The following NUTF2 variants were observed in gnomAD, a reference collection of about 807,000 sequenced individuals.
NUTF2 encodes the protein placental protein 15.
In NUTF2, 3 loss-of-function variants were observed where a neutral mutation model predicts 18.5. The ratio of observed to expected loss-of-function variants is 0.16; its 90% CI spans 0.07 to 0.42. The LOEUF (loss-of-function observed/expected upper bound fraction) is 0.42. NUTF2 is among the 10% of genes least tolerant of loss of function. The pLI, the probability that NUTF2 is intolerant of heterozygous loss-of-function variation, is 0.99. For synonymous variants in NUTF2, 51 were observed against 57.9 expected, an observed-to-expected ratio of 0.88 and a Z score of 0.54; for missense variants, 44 against 160.7, an observed-to-expected ratio of 0.27 and a Z score of 3.93.
intron 1 of NUTF2, among the ~76,000 whole-genome samples, chr16:67,856,753 A>G (rs749033838): frequency 2.0e-5 from 3 of 151,638 alleles, no homozygotes; most frequent in Non-Finnish European, 4.4e-5. Context: ...TAGGTGATCT[A>G]CTTGCCTTGG....
At chr16:67,852,047 C>A (rs887915973) in intron 1 of NUTF2, among the ~76,000 whole-genome samples, 1 of 151,844 alleles carries the variant, frequency 6.6e-6, no homozygotes, top group Non-Finnish European at 1.5e-5. Context: ...TAGAAGCCAC[C>A]TTATATCAAA....
At chr16:67,851,394 T>A (rs1324619711) in intron 1 of NUTF2, among the ~76,000 whole-genome samples, 2 of 151,664 alleles carry the variant, frequency 1.3e-5, no homozygotes, top group Admixed American at 1.3e-4. Context: ...GGCAGGAGAA[T>A]CGCTTGAACC....
At chr16:67,847,369 G>A (rs2057812260) in intron 1 of NUTF2, 1 of 152,446 alleles carries the variant, frequency 6.6e-6, no homozygotes, top group Admixed American at 6.5e-5. Flanking sequence ...CTGGCTAGCG[G>A]GCAGACCCCA....
At chr16:67,863,281 C>T (rs1009255597) in intron 1 of NUTF2, among the ~76,000 whole-genome samples, 17 of 152,338 alleles carry the variant, frequency 1.1e-4, no homozygotes, top group African/African-American at 4.1e-4. Flanking sequence ...TCCAAGCTTT[C>T]TCCCCTGCTT....
intron 1 of NUTF2, 83 bp downstream of exon 1, chr16:67,847,068 T>G: frequency 1.4e-5 from 2 of 138,264 alleles, no homozygotes; most frequent in African/African-American, 2.8e-5. Context: ...CCGCTGAGAG[T>G]CCCCGGGCGG....
At chr16:67,847,297 G>C (rs970337962) in intron 1 of NUTF2, 3 of 152,380 alleles carry the variant, frequency 2.0e-5, no homozygotes, top group African/African-American at 7.2e-5. Context: ...TCCGGATGGG[G>C]CCTTAGGGCC....
At chr16:67,865,621 C>T (rs2057965378) in intron 2 of NUTF2, among the ~76,000 whole-genome samples, 1 of 152,150 alleles carries the variant, frequency 6.6e-6, no homozygotes, top group African/African-American at 2.4e-5. Context: ...CCTTTTGGAT[C>T]CAAGGCTCCT....
chr16:67,857,112 C>T (rs897146136), intron 1 of NUTF2, among the ~76,000 whole-genome samples: 14 of 152,212 alleles, frequency 9.2e-5, no homozygotes, highest in African/African-American at 3.4e-4. Flanking sequence ...ACTTAGGGGT[C>T]TCAAGCCCCA....
intron 2 of NUTF2, among the ~76,000 whole-genome samples, chr16:67,866,306 G>GTT (rs921901942): frequency 3.7e-4 from 49 of 134,002 alleles, no homozygotes; most frequent in South Asian, 4.7e-4. Flanking sequence ...TCATAGTAGA[G>GTT]TTTTTTTTTT....
Position 67,866,306 on chromosome 16 carries a change from GT to G in NUTF2, c.99+1095del, listed in dbSNP as rs921901942. Reference sequence around the variant, plus strand: ...ATTTGATTGTCATTATCATAGTAGAGTTTTTTTTTTTTTTTTTTGAGACAGA... The same window carrying G: ...ATTTGATTGTCATTATCATAGTAGAGTTTTTTTTTTTTTTTTTGAGACAGA... On this transcript the variant is annotated intron_variant, in intron 2 of 4. Coordinates refer to ENST00000219169, the MANE Select transcript of NUTF2 (RefSeq NM_005796.3). Among the ~76,000 whole-genome samples the G allele has an allele frequency of 1.4e-3, 183 of 134,012 alleles. 1 individual carries two copies. The highest frequency in any genetic ancestry group is 3.9e-3 in the Middle Eastern group (1 of 256). 87.9% of individuals were successfully genotyped at this position (134,012 alleles called of 152,430 possible). A position where few individuals can be genotyped will look rare whatever the true frequency, so the allele number is the denominator to read the frequency against.
chr16:67,851,544 A>T (rs1567378684), intron 1 of NUTF2, among the ~76,000 whole-genome samples: 1 of 152,036 alleles, frequency 6.6e-6, no homozygotes. Flanking sequence ...TCTAGGGTAC[A>T]TGTGTACAAC....
rs1198759694 is a variant in NUTF2, at chr16:67,868,537, G to A, written c.208G>A (p.Ala70Thr). ...PFQKIQHSIT[A>T]QDHQPTPDSC... Reference sequence around the variant, plus strand: ...CCAGAAAATTCAGCACAGCATCACCGCGCAGGACCATCAGCCCACTCCAGA... The same window carrying A: ...CCAGAAAATTCAGCACAGCATCACCACGCAGGACCATCAGCCCACTCCAGA... Residue 70 changes from alanine (A) to threonine (T), a missense_variant, in exon 4 of 5, where the codon GCG (alanine) becomes ACG (threonine). By Grantham distance (58) the Ala-to-Thr change is moderately conservative (BLOSUM62 0). Coordinates refer to ENST00000219169, the MANE Select transcript of NUTF2 (RefSeq NM_005796.3). 3.7e-6 allele frequency: 6 copies of A among 1,614,008 alleles called. No homozygotes were observed. Among genetic ancestry groups the A allele is most frequent in the South Asian group, 3.3e-5 (3 of 91,076 alleles).
At chr16:67,866,946 C>G (rs569094045) in intron 2 of NUTF2, among the ~76,000 whole-genome samples, 3 of 151,386 alleles carry the variant, frequency 2.0e-5, no homozygotes, top group East Asian at 3.9e-4. Context: ...GACCTGAGAT[C>G]CTGGCACTTG....
At chr16:67,863,024 TTGAG>T (rs1255784384) in intron 1 of NUTF2, among the ~76,000 whole-genome samples, 2 of 151,678 alleles carry the variant, frequency 1.3e-5, no homozygotes, top group Non-Finnish European at 3.0e-5. Context: ...TCAGGGCACA[TTGAG>T]TGACTAAGCA....
intron 1 of NUTF2, among the ~76,000 whole-genome samples, chr16:67,857,751 G>C (rs1376035194): frequency 1.3e-5 from 2 of 152,256 alleles, no homozygotes; most frequent in East Asian, 3.8e-4. Context: ...AGCCACAGCT[G>C]TCTCTCACTA....
chr16:67,870,981 C>G lies in NUTF2; in HGVS notation c.*68C>G, dbSNP rs1191879764. ...TCTTCCCAATACTATTCCCACTCCT[C>G]CAGATGCTCCAAATATCATGCACAA... is the stretch of plus-strand genomic sequence containing the variant. On this transcript the variant is annotated 3_prime_UTR_variant, in exon 5 of 5. Transcript: ENST00000219169. The G allele has an allele frequency of 1.7e-6, 2 of 1,157,108 alleles. No individual in the cohort carries two copies. Among genetic ancestry groups the G allele is most frequent in the Non-Finnish European group, 2.6e-6 (2 of 769,946 alleles). The allele number at this position is 1,157,108 out of a possible 1,614,324, so 71.7% of individuals were successfully genotyped here. A position where few individuals can be genotyped will look rare whatever the true frequency, so the allele number is the denominator to read the frequency against.
intron 1 of NUTF2, among the ~76,000 whole-genome samples, chr16:67,849,316 A>G (rs754593500): frequency 2.0e-5 from 3 of 152,124 alleles, no homozygotes; most frequent in Admixed American, 2.0e-4. Flanking sequence ...TGCGTATTTC[A>G]TGGCCCTGGG....
At chr16:67,863,860 C>G (rs1177070236) in intron 1 of NUTF2, among the ~76,000 whole-genome samples, 1 of 152,210 alleles carries the variant, frequency 6.6e-6, no homozygotes, top group Non-Finnish European at 1.5e-5. Flanking sequence ...AAAGCCCAAG[C>G]GGCTCTCCCA....
chr16:67,853,340 C>T (rs971115617), intron 1 of NUTF2, among the ~76,000 whole-genome samples: 5 of 151,982 alleles, frequency 3.3e-5, no homozygotes, highest in Admixed American at 3.3e-4. Flanking sequence ...TACAGGTGCG[C>T]ACCATCACGC....
Sources: allele counts gnomAD v4.1 joint callset (sites outside exome capture counted in the v4.1 genomes callset), GRCh38; gene constraint gnomAD v4.1.1; transcripts MANE v1.5; gene names NCBI Gene and HGNC (gene_info 2026-07-23, HGNC 2026-07-21).